The following ELAC1 variants were observed in gnomAD, a reference collection of about 807,000 sequenced individuals.
ELAC1 encodes the protein elaC ribonuclease Z 1.
A neutral mutation model predicts 25.8 loss-of-function variants in ELAC1; 19 were observed. That is an observed-to-expected ratio of 0.74 (90% CI 0.51 to 1.08). The LOEUF is 1.08. Among genes scored for constraint, ELAC1 ranks in the 50% least tolerant of loss-of-function variants. The pLI is 0.00. For synonymous variants in ELAC1, 148 were observed against 160.9 expected (o/e 0.92, Z 0.61); for missense variants, 403 against 434.6 (o/e 0.93, Z 0.65).
At chr18:50,975,252 G>A (rs933384971) in intron 2 of ELAC1, among the ~76,000 whole-genome samples, 3 of 152,078 alleles carry the variant, frequency 2.0e-5, no homozygotes, top group Non-Finnish European at 2.9e-5. Context: ...TAGAAAGGGT[G>A]TTATGAGAAT....
intron 2 of ELAC1, 117 bp downstream of exon 2, chr18:50,974,678 C>A: frequency 2.1e-6 from 2 of 955,804 alleles, no homozygotes; most frequent in African/African-American, 1.6e-5. Flanking sequence ...CACTTCAGTG[C>A]TACACCCTGG....
chr18:50,979,686 C>T (rs1264475751), intron 2 of ELAC1, among the ~76,000 whole-genome samples: 1 of 152,076 alleles, frequency 6.6e-6, no homozygotes, highest in East Asian at 1.9e-4. Flanking sequence ...CTAAAGTATC[C>T]ACCACAAGTA....
chr18:50,968,377 GC>G (rs1907558332), intron 1 of ELAC1: 1 of 152,416 alleles, frequency 6.6e-6, no homozygotes, highest in Non-Finnish European at 1.5e-5. Context: ...CTGGCCTCTG[GC>G]CCTGCCTGTG....
intron 2 of ELAC1, 82 bp downstream of exon 2, chr18:50,974,643 A>G: frequency 7.3e-7 from 1 of 1,378,210 alleles, no homozygotes. Flanking sequence ...CATTTTGTTT[A>G]GAAACAGCCC....
In ELAC1 at chr18:50,986,650, G is replaced by A; in HGVS notation, c.657G>A (p.Leu219=). ...GVPPGPAYGK[L]KNGISVVLEN... The stretch of plus-strand genomic sequence containing the variant: ...CACCAGGTCCTGCCTATGGGAAGCT[G>A]AAAAATGGAATTTCTGTTGTTCTGG... Residue 219 remains leucine, a synonymous_variant, in exon 4 of 4, where the codon CTG becomes CTA. Transcript: ENST00000269466. 1.9e-6 allele frequency: 3 copies of A among 1,613,356 alleles called. No individual in the cohort carries two copies. The highest frequency in any genetic ancestry group is 2.5e-6 in the Non-Finnish European group (3 of 1,179,508).
At chr18:50,968,530 A>G (rs1454641299) in intron 1 of ELAC1, 3 of 152,256 alleles carry the variant, frequency 2.0e-5, no homozygotes, top group Middle Eastern at 3.1e-3. Flanking sequence ...CCGGTTCTCA[A>G]CCCGGCAACC....
chr18:50,969,154 C>G (rs1057050705), intron 1 of ELAC1: 2 of 152,280 alleles, frequency 1.3e-5, no homozygotes, highest in Non-Finnish European at 2.9e-5. Context: ...TCTCTTTCCT[C>G]TTACCCAGTT....
At position 50,973,067 on chromosome 18, in the gene ELAC1, G is replaced by T. The variant is rs541771679; in HGVS notation, c.-8-1330G>T. ...TCTTTTATTCGTGTGAATCTTTTGG[G>T]TGCTGTTCCTTTCCTGCTAACTTTA... On this transcript the variant is annotated intron_variant, in intron 1 of 3. Transcript: ENST00000269466. 4.5e-4 allele frequency among the ~76,000 whole-genome samples: 68 copies of T among 152,258 alleles called. 1 individual carries two copies. The highest frequency in any genetic ancestry group is 6.7e-4 in the African/African-American group (28 of 41,546).
chr18:50,975,791 T>C (rs1907785046), intron 2 of ELAC1, among the ~76,000 whole-genome samples: 1 of 152,070 alleles, frequency 6.6e-6, no homozygotes. Context: ...AATCATGTAA[T>C]GTGATAAGTA....
intron 2 of ELAC1, among the ~76,000 whole-genome samples, chr18:50,977,004 C>G (rs905314631): frequency 3.9e-5 from 6 of 152,240 alleles, no homozygotes; most frequent in South Asian, 2.1e-4. Flanking sequence ...TGTCTCACAT[C>G]CAGGGCATGC....
At chr18:50,973,663 TATCTCA>T (rs1036012481) in intron 1 of ELAC1, among the ~76,000 whole-genome samples, 4 of 152,240 alleles carry the variant, frequency 2.6e-5, no homozygotes, top group African/African-American at 9.6e-5. Flanking sequence ...TCTTGCCCTG[TATCTCA>T]ACTAGAGTTG....
At chr18:50,982,591 C>T (rs979898479) in intron 2 of ELAC1, among the ~76,000 whole-genome samples, 2 of 152,212 alleles carry the variant, frequency 1.3e-5, no homozygotes, top group Non-Finnish European at 2.9e-5. Flanking sequence ...TGGTGTGTCT[C>T]AGAAAATGCT....
chr18:50,974,755 T>G (rs1204972062), intron 2 of ELAC1, among the ~76,000 whole-genome samples, 194 bp downstream of exon 2: 4 of 152,214 alleles, frequency 2.6e-5, no homozygotes, highest in Non-Finnish European at 1.5e-5. Context: ...TTTACTTGCT[T>G]TTCATTTATC....
chr18:50,973,768 C>T (rs1031676706), intron 1 of ELAC1, among the ~76,000 whole-genome samples: 1 of 152,142 alleles, frequency 6.6e-6, no homozygotes, highest in Non-Finnish European at 1.5e-5. Context: ...TCTTATCCCT[C>T]ACCCCTCAGT....
intron 2 of ELAC1, among the ~76,000 whole-genome samples, chr18:50,980,697 AG>A (rs1907921529): frequency 7.2e-6 from 1 of 139,132 alleles, no homozygotes; most frequent in Non-Finnish European, 1.5e-5. Context: ...CAGGAGGCGG[AG>A]GTTGTGGTGA....
intron 2 of ELAC1, among the ~76,000 whole-genome samples, chr18:50,975,266 A>G (rs1038773972): frequency 1.3e-5 from 2 of 152,120 alleles, no homozygotes; most frequent in African/African-American, 2.4e-5. Context: ...TGAGAATTAC[A>G]TGTAATCATT....
chr18:50,981,411 T>C (rs757670721), intron 2 of ELAC1, among the ~76,000 whole-genome samples: 1 of 151,992 alleles, frequency 6.6e-6, no homozygotes, highest in Non-Finnish European at 1.5e-5. Flanking sequence ...AACTGAGCAA[T>C]GTATACAAAC....
At chr18:50,969,885 A>G (rs1907606339) in intron 1 of ELAC1, 1 of 152,220 alleles carries the variant, frequency 6.6e-6, no homozygotes, top group Non-Finnish European at 1.5e-5. Flanking sequence ...TTGAGTAGTG[A>G]GTTTAGGTCA....
chr18:50,974,297 G>T (rs1458395860), intron 1 of ELAC1, 100 bp from the exon 2 acceptor site: 41 of 1,125,620 alleles, frequency 3.6e-5, no homozygotes, highest in Non-Finnish European at 4.2e-5. Context: ...AATCCAGACT[G>T]TTCTAAATAA....
Sources: allele counts gnomAD v4.1 joint callset (sites outside exome capture counted in the v4.1 genomes callset), GRCh38; gene constraint gnomAD v4.1.1; transcripts MANE v1.5; gene names NCBI Gene and HGNC (gene_info 2026-07-23, HGNC 2026-07-21).